TRPM1: variants seen among roughly 807,000 people sequenced by gnomAD.
TRPM1 encodes the protein TRPM1-203 APA Isoform, Intron 10.
A neutral mutation model predicts 149.4 loss-of-function variants in TRPM1; 113 were observed. That is an observed-to-expected ratio of 0.76 (90% CI 0.65 to 0.88). The LOEUF (loss-of-function observed/expected upper bound fraction) is 0.88, where lower values mean the gene tolerates loss of function less well. Ranked by LOEUF, TRPM1 falls within the 40% of genes least tolerant of loss-of-function variation. TRPM1 has a pLI of 0.00. For missense variants in TRPM1, 1,976 were observed against 2,038.7 expected, an observed-to-expected ratio of 0.97 and a Z score of 0.59; for synonymous variants, 741 against 759.5, an observed-to-expected ratio of 0.98 and a Z score of 0.40.
At chr15:31,075,460 A>G (rs1240838424) in intron 3 of TRPM1, among the ~76,000 whole-genome samples, 1 of 152,178 alleles carries the variant, frequency 6.6e-6, no homozygotes, top group Non-Finnish European at 1.5e-5. Flanking sequence ...GCTTTAAAGT[A>G]TGTTTTGTCT....
intron 27 of TRPM1, among the ~76,000 whole-genome samples, chr15:31,006,166 ATTTCTTTTCT>A (rs779389351): frequency 4.0e-5 from 6 of 151,734 alleles, no homozygotes; most frequent in Admixed American, 1.3e-4. Flanking sequence ...TCTCTTAAAG[ATTTCTTTTCT>A]TTTCTTTTCT....
chr15:31,131,930 G>T (rs1406673927), intron 1 of TRPM1, among the ~76,000 whole-genome samples: 1 of 150,368 alleles, frequency 6.7e-6, no homozygotes, highest in Non-Finnish European at 1.5e-5. Flanking sequence ...AATGAAAATC[G>T]CCAAAATGAC....
At chr15:31,144,944 G>A (rs372463051) in intron 1 of TRPM1, among the ~76,000 whole-genome samples, 1 of 151,984 alleles carries the variant, frequency 6.6e-6, no homozygotes, top group South Asian at 2.1e-4. Flanking sequence ...TCGAGCTCCC[G>A]ACCTCAGGTA....
At chr15:31,094,298 C>T (rs34713985) in intron 1 of TRPM1, among the ~76,000 whole-genome samples, 1 of 151,910 alleles carries the variant, frequency 6.6e-6, no homozygotes. Flanking sequence ...TCTTCATGAT[C>T]GATGGATTTA....
chr15:31,088,505 C>G (rs922566070), intron 1 of TRPM1, among the ~76,000 whole-genome samples: 1 of 152,158 alleles, frequency 6.6e-6, no homozygotes, highest in Non-Finnish European at 1.5e-5. Context: ...CCTGGAAAGA[C>G]GAGCAACTCT....
At chr15:31,059,293 A>G (rs2140951614) in intron 11 of TRPM1, among the ~76,000 whole-genome samples, 1 of 152,246 alleles carries the variant, frequency 6.6e-6, no homozygotes, top group Middle Eastern at 3.4e-3. Context: ...AGGCAGTTAA[A>G]TGCTTTGGGA....
At chr15:31,046,391 A>C (rs767682703) in intron 15 of TRPM1, among the ~76,000 whole-genome samples, 158 bp from the exon 16 acceptor site, 14 of 152,240 alleles carry the variant, frequency 9.2e-5, no homozygotes, top group Non-Finnish European at 1.8e-4. Flanking sequence ...GAAGTGCTTT[A>C]ATATAGAAAC....
Position 31,119,504 on chromosome 15 carries a change from C to T in TRPM1, c.54+41402G>A, listed in dbSNP as rs77984187. Among the ~76,000 whole-genome samples, 262 of 151,932 alleles carry T rather than the reference C, an allele frequency of 1.7e-3. 4 individuals are homozygous for T. In the East Asian group the frequency reaches 0.048, roughly 28 times the overall value. On this transcript the variant is annotated intron_variant, in intron 1 of 26. Coordinates refer to the TRPM1 transcript ENST00000542188. ...CAGTACATCTACTTTGTGAAAAATGCTAAAAGAAGTTATTCAAGAGAAGGA... is the reference window on the plus strand; with the variant it reads ...CAGTACATCTACTTTGTGAAAAATGTTAAAAGAAGTTATTCAAGAGAAGGA...
intron 14 of TRPM1, 69 bp from the exon 15 acceptor site, chr15:31,047,320 G>A: frequency 6.3e-7 from 1 of 1,586,444 alleles, no homozygotes; most frequent in Non-Finnish European, 8.6e-7. Context: ...CACACGTCTA[G>A]GGGGTAAGTG....
At chr15:31,068,907 A>C (rs2034455849) in intron 4 of TRPM1, among the ~76,000 whole-genome samples, 1 of 152,156 alleles carries the variant, frequency 6.6e-6, no homozygotes, top group African/African-American at 2.4e-5. Flanking sequence ...AGACTCTAGA[A>C]ATGTGAGCAA....
intron 16 of TRPM1, among the ~76,000 whole-genome samples, chr15:31,042,690 T>C (rs775197774): frequency 5.8e-5 from 6 of 103,132 alleles, no homozygotes; most frequent in Non-Finnish European, 9.6e-5. Context: ...ACAGGAAACA[T>C]GCAAAAGGGG....
At chr15:31,133,226 C>T (rs892230267) in intron 1 of TRPM1, among the ~76,000 whole-genome samples, 1 of 151,900 alleles carries the variant, frequency 6.6e-6, no homozygotes, top group Non-Finnish European at 1.5e-5. Flanking sequence ...CACTTGAGGT[C>T]AGGAGTTCAA....
intron 1 of TRPM1, among the ~76,000 whole-genome samples, chr15:31,121,945 G>C (rs1178736912): frequency 6.6e-6 from 1 of 152,086 alleles, no homozygotes; most frequent in East Asian, 1.9e-4. Context: ...AATCAAACTA[G>C]TGTATGAAAT....
intron 4 of TRPM1, chr15:31,069,641 C>T (rs2034476502): frequency 5.2e-6 from 7 of 1,358,352 alleles, no homozygotes; most frequent in Non-Finnish European, 5.6e-6. Context: ...AAGCTGTGGA[C>T]AGACCTCAGA....
At chr15:31,126,967 A>AAAAC (rs71420550) in intron 1 of TRPM1, among the ~76,000 whole-genome samples, 9,781 of 150,638 alleles carry the variant, frequency 0.065, 327 homozygotes, top group South Asian at 0.095. Flanking sequence ...ATCCTGTCTC[A>AAAAC]AAACAAACAA....
rs143663192 is a variant in TRPM1, at chr15:31,157,936, G to C, written c.54+2970C>G. ...AACAAACACGGTGCAGAGGGGTGCT[G>C]CTTTCGATTAGGAAACCGGGAACCG... is the stretch of plus-strand genomic sequence containing the variant. On this transcript the variant is annotated intron_variant, in intron 1 of 26. Coordinates refer to the TRPM1 transcript ENST00000542188. 2.4e-3 allele frequency among the ~76,000 whole-genome samples: 365 copies of C among 152,256 alleles called. 2 individuals are homozygous for C. Among genetic ancestry groups the C allele is most frequent in the African/African-American group, 8.4e-3 (347 of 41,538 alleles).
At chr15:31,103,746 G>A (rs559518057), upstream of TRPM1, among the ~76,000 whole-genome samples, 4 of 150,710 alleles carry the variant, frequency 2.7e-5, no homozygotes, top group African/African-American at 9.8e-5. Context: ...CCTGGAGGCG[G>A]AAGTTGCAGT....
At position 31,042,201 on chromosome 15, in the gene TRPM1, T is replaced by C. The variant is rs752692162; in HGVS notation, c.1837A>G (p.Lys613Glu). ...PAKGKKKKKK[K>E]KEEEIDIDVD... is the part of the protein sequence containing the mutation. The stretch of plus-strand genomic sequence containing the variant: ...TCAATGTCGATCTCTTCCTCCTTTT[T>C]CTTCTTTTTCTTTTTCTTCCCTTTA... Residue 613 changes from lysine (K) to glutamate (E), a missense_variant, in exon 17 of 28, where the codon AAA (lysine) becomes GAA (glutamate). This residue lies in a region of TRPM1 where 1,332 missense variants were observed against 1,347.1 expected (regional missense o/e 0.99). Transcript: ENST00000256552. 5.6e-6 allele frequency: 9 copies of C among 1,609,294 alleles called. No individual in the cohort carries two copies. Among genetic ancestry groups the C allele is most frequent in the Admixed American group, 3.4e-5 (2 of 59,302 alleles).
intron 23 of TRPM1, among the ~76,000 whole-genome samples, chr15:31,030,335 G>A (rs1039109468): frequency 3.4e-5 from 5 of 149,232 alleles, no homozygotes; most frequent in Non-Finnish European, 5.9e-5. Flanking sequence ...TCCTTCACTG[G>A]TGGAACATTT....
Sources: gnomAD v4.1 joint callset for allele counts (sites outside exome capture counted in the v4.1 genomes callset) on GRCh38, gnomAD v4.1.1 for gene constraint, gnomAD v4.1.1 regional missense constraint, MANE v1.5 for transcripts, NCBI Gene and HGNC (gene_info 2026-07-23, HGNC 2026-07-21) for gene names.